MROH1: variants seen among roughly 807,000 people sequenced by gnomAD.
The protein encoded by MROH1 is maestro heat like repeat family member 1, also known as maestro heat-like repeat-containing protein family member 1.
Under a neutral mutation model 116.5 loss-of-function variants are expected in MROH1, and 117 were observed. That is an observed-to-expected ratio of 1.00 (90% CI 0.86 to 1.17). The LOEUF (loss-of-function observed/expected upper bound fraction) is 1.17. Among genes scored for constraint, MROH1 ranks in the 50% most tolerant of loss-of-function variants. The pLI, the probability that MROH1 is intolerant of heterozygous loss-of-function variation, is 0.00. For synonymous variants in MROH1, 921 were observed against 583.9 expected (o/e 1.58, Z -8.32); for missense variants, 1,873 against 1,338.5 (o/e 1.40, Z -6.23).
intron 12 of MROH1, among the ~76,000 whole-genome samples, chr8:144,211,899 T>G (rs1441116118): frequency 6.6e-6 from 1 of 152,126 alleles, no homozygotes; most frequent in Non-Finnish European, 1.5e-5. Context: ...GAAGCTCAGA[T>G]CGTCTCATCT....
At chr8:144,156,134 G>A (rs1818003029) in intron 1 of MROH1, among the ~76,000 whole-genome samples, 1 of 151,794 alleles carries the variant, frequency 6.6e-6, no homozygotes, top group Admixed American at 6.6e-5. Flanking sequence ...CTACTCTGGA[G>A]GCTGAGGCAG....
At chr8:144,258,976 A>C (rs1844450157) in intron 36 of MROH1, 62 bp downstream of exon 36, 1 of 671,666 alleles carries the variant, frequency 1.5e-6, no homozygotes, top group Non-Finnish European at 2.8e-6. Flanking sequence ...TCTCGAGCCC[A>C]GAACATGACA....
chr8:144,243,694 G>A, intron 25 of MROH1, 78 bp downstream of exon 25: 1 of 771,760 alleles, frequency 1.3e-6, no homozygotes, highest in South Asian at 1.4e-5. Flanking sequence ...CTGGGGCACT[G>A]AGGGTGATAA....
chr8:144,205,580 G>A (rs923578857), intron 12 of MROH1, among the ~76,000 whole-genome samples: 15 of 151,716 alleles, frequency 9.9e-5, no homozygotes, highest in Non-Finnish European at 1.3e-4. Context: ...TCTTAAAACC[G>A]GAAATTTTAC....
In MROH1 at chr8:144,260,092, A is replaced by G. The variant is rs1439841539; in HGVS notation, c.4191+35A>G. On this transcript the variant is annotated intron_variant, in intron 38 of 43. Coordinates refer to ENST00000326134, the MANE Select transcript of MROH1 (RefSeq NM_032450.3). ...CCACCAGCCCCTCTGGGTCCCAGGC[A>G]GCATGGGTGGGGGGCTGTGCATGGA... 2.6e-5 allele frequency: 19 copies of G among 737,532 alleles called. No homozygotes were observed. The Admixed American group carries it at 3.5e-4, about 13-fold the overall frequency. The allele number at this position is 737,532 out of a possible 1,614,324, so 45.7% of individuals were successfully genotyped here. A position where few individuals can be genotyped will look rare whatever the true frequency, so the allele number is the denominator to read the frequency against.
At chr8:144,254,788 A>G in intron 33 of MROH1, 25 bp from the exon 34 acceptor site, 1 of 760,524 alleles carries the variant, frequency 1.3e-6, no homozygotes, top group Admixed American at 1.7e-5. Context: ...CACGGCCTCA[A>G]AGTGACTCTC....
chr8:144,213,409 T>C (rs1050689019), intron 12 of MROH1: 1 of 291,368 alleles, frequency 3.4e-6, no homozygotes, highest in Non-Finnish European at 6.3e-6. Context: ...TTATTCCATA[T>C]TCTTCTGGCA....
chr8:144,241,950 G>C (rs1023175747), intron 22 of MROH1, among the ~76,000 whole-genome samples: 10 of 152,232 alleles, frequency 6.6e-5, no homozygotes, highest in Non-Finnish European at 1.5e-4. Context: ...CCCAGTTACA[G>C]CATCTCAGGG....
intron 4 of MROH1, chr8:144,175,241 C>T (rs1001062250): frequency 4.3e-5 from 36 of 837,176 alleles, no homozygotes; most frequent in African/African-American, 9.2e-5. Flanking sequence ...CTCCCAGCAG[C>T]GGGTCCGGTC....
In MROH1 at chr8:144,260,816, A is replaced by G; in HGVS notation, c.4520A>G (p.Gln1507Arg). Residue 1507 changes from glutamine to arginine, a missense_variant, in exon 40 of 44, where the codon CAG becomes CGG. Coordinates refer to ENST00000326134, the MANE Select transcript of MROH1 (RefSeq NM_032450.3). ...CTGCTGCTGCACCTGCAGGACCCTC[A>G]GGCCACCGTGGCCAGCGTGAGTAGC... Reference protein sequence around the residue: ...APLLLHLQDPQATVASACRFA... With the variant: ...APLLLHLQDPRATVASACRFA... The G allele has an allele frequency of 1.3e-6, 1 of 777,950 alleles. No individual in the cohort carries two copies. The allele number at this position is 777,950 out of a possible 1,614,324, so 48.2% of individuals were successfully genotyped here.
Position 144,199,190 on chromosome 8 carries a change from C to T in MROH1, c.1017C>T (p.Phe339=), listed in dbSNP as rs1301220940. The T allele has an allele frequency of 6.2e-7, 1 of 1,613,182 alleles. No individual in the cohort carries two copies. Among genetic ancestry groups the T allele is most frequent in the Non-Finnish European group, 8.5e-7 (1 of 1,179,626 alleles). Residue 339 remains phenylalanine (F), a synonymous_variant, in exon 11 of 44, where the codon TTC becomes TTT. Coordinates refer to ENST00000326134, the MANE Select transcript of MROH1 (RefSeq NM_032450.3). ...MSNQKEVLRC[F]TVLACSSPDR... ...ACCAGAAGGAGGTGCTGCGCTGCTT[C>T]ACTGTGCTGGGTGAGTGGTGGGCCC...
chr8:144,198,166 C>T (rs1302111288), intron 10 of MROH1, among the ~76,000 whole-genome samples: 1 of 152,174 alleles, frequency 6.6e-6, no homozygotes, highest in African/African-American at 2.4e-5. Context: ...TCTAGGAACC[C>T]AGGTTGGGGT....
Position 144,261,177 on chromosome 8 carries a change from A to G in MROH1, c.4735A>G (p.Ser1579Gly). 1.3e-6 allele frequency: 1 copy of G among 769,502 alleles called. No homozygotes were observed. Among genetic ancestry groups the G allele is most frequent in the Non-Finnish European group, 2.4e-6 (1 of 417,634 alleles). The allele number at this position is 769,502 out of a possible 1,614,324, so 47.7% of individuals were successfully genotyped here. Residue 1579 changes from serine (S) to glycine (G), a missense_variant, in exon 42 of 44, where the codon AGC (serine) becomes GGC (glycine). Coordinates refer to ENST00000326134, the MANE Select transcript of MROH1 (RefSeq NM_032450.3). ...CACCTGCCTGTTCTACTTCAAGAGC[A>G]GCTGGGAGAACGTCCGAGCTGCTGC... ...LTTCLFYFKS[S>G]WENVRAAAPL...
chr8:144,171,170 T>C (rs949861618), intron 4 of MROH1, among the ~76,000 whole-genome samples: 1 of 152,216 alleles, frequency 6.6e-6, no homozygotes, highest in Non-Finnish European at 1.5e-5. Flanking sequence ...ACAGCCCTGC[T>C]TCTGATGCCA....
intron 26 of MROH1, 64 bp from the exon 27 acceptor site, chr8:144,244,158 G>C (rs2132994397): frequency 2.8e-6 from 2 of 710,478 alleles, no homozygotes; most frequent in East Asian, 5.4e-5. Context: ...CAGGCCTGGA[G>C]GTTACTGGGT....
At position 144,255,541 on chromosome 8, in the gene MROH1, G is replaced by A. The variant is rs1843583868; in HGVS notation, c.3627G>A (p.Thr1209=). The change falls in exon 35 of 44, where the codon ACG becomes ACA. Residue 1209 remains threonine, a synonymous_variant. Transcript: ENST00000326134. Reference sequence around the variant, plus strand: ...GTGCACTGTTTGAGGTCATGTCCACGCCTGCAGCGGGGCCCGCGGTGCTCG... The same window carrying A: ...GTGCACTGTTTGAGGTCATGTCCACACCTGCAGCGGGGCCCGCGGTGCTCG... ...ATCALFEVMS[T]PAAGPAVLEL... The A allele has an allele frequency of 9.0e-6, 7 of 779,256 alleles. No individual in the cohort carries two copies. Among genetic ancestry groups the A allele is most frequent in the Admixed American group, 1.7e-5 (1 of 59,028 alleles). The allele number at this position is 779,256 out of a possible 1,614,324, so 48.3% of individuals were successfully genotyped here. A position where few individuals can be genotyped will look rare whatever the true frequency, so the allele number is the denominator to read the frequency against.
intron 7 of MROH1, among the ~76,000 whole-genome samples, chr8:144,185,338 A>C (rs536739146): frequency 6.6e-6 from 1 of 152,266 alleles, no homozygotes; most frequent in South Asian, 2.1e-4. Flanking sequence ...CAAGGCAGAA[A>C]ACACAGAAAC....
chr8:144,248,537 G>C (rs915066569), intron 31 of MROH1, among the ~76,000 whole-genome samples: 11 of 152,190 alleles, frequency 7.2e-5, no homozygotes, highest in Non-Finnish European at 1.2e-4. Context: ...CCGTGTTCTA[G>C]AGAGCTCCAG....
chr8:144,251,593 T>G (rs1842854964), intron 33 of MROH1: 3 of 152,292 alleles, frequency 2.0e-5, no homozygotes, highest in Admixed American at 6.5e-5. Flanking sequence ...GGTCTGGGTC[T>G]GGCTGGGCTG....
Sources: allele counts gnomAD v4.1 joint callset (sites outside exome capture counted in the v4.1 genomes callset), GRCh38; gene constraint gnomAD v4.1.1; transcripts MANE v1.5; gene names NCBI Gene and HGNC (gene_info 2026-07-23, HGNC 2026-07-21).